Variants in ARRDC3 observed in about 807,000 individuals in gnomAD.
ARRDC3 encodes arrestin domain containing 3.
Under a neutral mutation model 47.2 loss-of-function variants are expected in ARRDC3, and 10 were observed. That is an observed-to-expected ratio of 0.21 (90% CI 0.13 to 0.36). The LOEUF (loss-of-function observed/expected upper bound fraction) is 0.36. ARRDC3 is among the 10% of genes least tolerant of loss of function. The pLI is 1.00. For synonymous variants in ARRDC3, 156 were observed against 178.3 expected, an observed-to-expected ratio of 0.87 and a Z score of 1.00; for missense variants, 381 against 503.6, an observed-to-expected ratio of 0.76 and a Z score of 2.33.
rs781128369 is a variant in ARRDC3, at chr5:91,374,991, C to T, written c.801G>A (p.Leu267=). 2.5e-6 allele frequency: 4 copies of T among 1,614,034 alleles called. No homozygotes were observed. The highest frequency in any genetic ancestry group is 2.7e-5 in the African/African-American group (2 of 74,936). Residue 267 remains leucine (L), a synonymous_variant, in exon 5 of 8, where the codon TTG becomes TTA. Coordinates refer to ENST00000265138, the MANE Select transcript of ARRDC3 (RefSeq NM_020801.4). ...SGKTETWNGK[L]LKIPPVSPSI... is the part of the protein sequence containing the mutation. ...AGGGAGAAACTGGTGGAATTTTCAG[C>T]AACTTGCCATTCCACGTCTCTGTCT...
Sources: gnomAD v4.1 joint callset for allele counts on GRCh38, gnomAD v4.1.1 for gene constraint, MANE v1.5 for transcripts, NCBI Gene and HGNC (gene_info 2026-07-23, HGNC 2026-07-21) for gene names.